Variants in STK32B observed in about 807,000 individuals in gnomAD.
STK32B encodes serine/threonine-protein kinase 32B.
STK32B carries 43 observed loss-of-function variants against 52.6 expected under a neutral mutation model. That is an observed-to-expected ratio of 0.82 (90% CI 0.64 to 1.05). The LOEUF is 1.05. Ranked by LOEUF, STK32B falls within the 50% of genes least tolerant of loss-of-function variation. The pLI is 0.00. For missense variants in STK32B, 621 were observed against 534.6 expected (o/e 1.16, Z -1.59); for synonymous variants, 238 against 204.3 (o/e 1.17, Z -1.41).
At chr4:5,176,535 C>G (rs140964249) in intron 3 of STK32B, among the ~76,000 whole-genome samples, 277 of 151,340 alleles carry the variant, frequency 1.8e-3, no homozygotes, top group African/African-American at 6.3e-3. Context: ...CCTCCACCTC[C>G]AAGGTTTAAG....
intron 3 of STK32B, among the ~76,000 whole-genome samples, chr4:5,281,821 A>G (rs1396673959): frequency 6.6e-6 from 1 of 152,200 alleles, no homozygotes; most frequent in Admixed American, 6.5e-5. Flanking sequence ...TTTAGGTATC[A>G]TTGAACAGAT....
At chr4:5,354,488 A>G (rs1734047757) in intron 4 of STK32B, among the ~76,000 whole-genome samples, 1 of 152,094 alleles carries the variant, frequency 6.6e-6, no homozygotes, top group Non-Finnish European at 1.5e-5. Context: ...CTGGTCTCAA[A>G]CTCCTGACTT....
chr4:5,121,825 A>G lies in STK32B; in HGVS notation c.53-18080A>G, dbSNP rs1188366506. Among the ~76,000 whole-genome samples the G allele has an allele frequency of 2.6e-5, 4 of 152,312 alleles. No individual in the cohort carries two copies. The East Asian group carries it at 7.7e-4, about 29-fold the overall frequency. ...TAAGGAGACTGCTGTCCCCAGGGACAGGCCAGGGACAATCATCCTGTTCAG... is the reference window on the plus strand; with the variant it reads ...TAAGGAGACTGCTGTCCCCAGGGACGGGCCAGGGACAATCATCCTGTTCAG... On this transcript the variant is annotated intron_variant, in intron 1 of 11. Coordinates refer to ENST00000282908, the MANE Select transcript of STK32B (RefSeq NM_018401.3).
At chr4:5,140,029 T>C in intron 2 of STK32B, 69 bp downstream of exon 2, 1 of 1,581,476 alleles carries the variant, frequency 6.3e-7, no homozygotes, top group East Asian at 2.2e-5. Context: ...GTGTGTTGGT[T>C]GCTGGGCACT....
intron 11 of STK32B, among the ~76,000 whole-genome samples, chr4:5,489,706 C>T (rs570187632): frequency 9.9e-5 from 15 of 151,762 alleles, no homozygotes; most frequent in East Asian, 7.8e-4. Flanking sequence ...CTGCAACCTC[C>T]GCCTCCCAGG....
chr4:5,239,152 T>A (rs1439137589), intron 3 of STK32B, among the ~76,000 whole-genome samples: 1 of 152,058 alleles, frequency 6.6e-6, no homozygotes, highest in East Asian at 1.9e-4. Context: ...GAGCACAGTG[T>A]TCAAGAGGAG....
At chr4:5,158,004 G>C (rs144420832) in intron 2 of STK32B, among the ~76,000 whole-genome samples, 338 of 152,282 alleles carry the variant, frequency 2.2e-3, no homozygotes, top group African/African-American at 7.5e-3. Context: ...ATTAGGTTGT[G>C]TTTGGCTTGA....
intron 3 of STK32B, among the ~76,000 whole-genome samples, chr4:5,263,095 A>G (rs1251355844): frequency 2.0e-5 from 3 of 151,944 alleles, no homozygotes; most frequent in Admixed American, 2.0e-4. Flanking sequence ...TTTCCACTAG[A>G]CTATGAGCTC....
At chr4:5,027,073 G>C in the STK32B span, among the ~76,000 whole-genome samples, 1 of 152,200 alleles carries the variant, frequency 6.6e-6, no homozygotes, top group Admixed American at 6.5e-5. Flanking sequence ...GGGGTAGACT[G>C]AATACCTAGC....
In STK32B at chr4:5,116,539, T is replaced by A. The variant is rs1180106091; in HGVS notation, c.53-23366T>A. Among the ~76,000 whole-genome samples the A allele has an allele frequency of 2.0e-5, 3 of 152,206 alleles. No homozygotes were observed. The East Asian group carries it at 5.8e-4, about 29-fold the overall frequency. Reference sequence around the variant, plus strand: ...ATATCTACTCTTATTTTGATTACTCTATATTTGTAGTATATTTTGAAATCA... The same window carrying A: ...ATATCTACTCTTATTTTGATTACTCAATATTTGTAGTATATTTTGAAATCA... On this transcript the variant is annotated intron_variant, in intron 1 of 11. Coordinates refer to ENST00000282908, the MANE Select transcript of STK32B (RefSeq NM_018401.3).
chr4:5,364,143 A>T (rs1734720026), intron 4 of STK32B, among the ~76,000 whole-genome samples: 1 of 152,162 alleles, frequency 6.6e-6, no homozygotes, highest in Non-Finnish European at 1.5e-5. Context: ...CTGTCATTCA[A>T]ATCCTTCAAG....
At chr4:5,125,079 C>T (rs113126405) in intron 1 of STK32B, among the ~76,000 whole-genome samples, 29 of 152,270 alleles carry the variant, frequency 1.9e-4, no homozygotes, top group African/African-American at 6.7e-4. Flanking sequence ...ACTCCCAGCT[C>T]ACAACCAGCA....
chr4:5,389,171 A>C (rs111684214), intron 4 of STK32B, among the ~76,000 whole-genome samples: 3 of 152,198 alleles, frequency 2.0e-5, no homozygotes, highest in Non-Finnish European at 2.9e-5. Context: ...CATGCCTTCA[A>C]ATTAAGTCAC....
chr4:5,488,080 C>G (rs1392506837), intron 11 of STK32B, among the ~76,000 whole-genome samples: 1 of 152,104 alleles, frequency 6.6e-6, no homozygotes, highest in Non-Finnish European at 1.5e-5. Flanking sequence ...AACCTGATAA[C>G]CCTATTCTTA....
intron 1 of STK32B, among the ~76,000 whole-genome samples, chr4:5,060,065 C>G (rs541382495): frequency 6.6e-6 from 1 of 152,300 alleles, no homozygotes; most frequent in South Asian, 2.1e-4. Flanking sequence ...CTCCCGGGTT[C>G]AAGTGATTCT....
Position 5,268,673 on chromosome 4 carries a change from A to C in STK32B, c.261-62547A>C, listed in dbSNP as rs140089300. 4.9e-3 allele frequency among the ~76,000 whole-genome samples: 740 copies of C among 151,984 alleles called. 4 individuals carry two copies. The highest frequency in any genetic ancestry group is 0.016 in the African/African-American group (676 of 41,424). The stretch of plus-strand genomic sequence containing the variant: ...ACTAGACTGTAATCTCCAAGGATGC[A>C]GGGACCTTCTGTCCTGTTCACGATA... On this transcript the variant is annotated intron_variant, in intron 3 of 11. Coordinates refer to ENST00000282908, the MANE Select transcript of STK32B (RefSeq NM_018401.3).
chr4:5,306,470 C>CT (rs1577320264), intron 3 of STK32B, among the ~76,000 whole-genome samples: 2 of 151,884 alleles, frequency 1.3e-5, no homozygotes, highest in Admixed American at 6.6e-5. Context: ...CCCTCTTTGT[C>CT]TTTTTTAACT....
At chr4:5,143,136 T>TGTCTGTCTGTCTGTCC (rs1268917392) in intron 2 of STK32B, among the ~76,000 whole-genome samples, 1 of 139,076 alleles carries the variant, frequency 7.2e-6, no homozygotes, top group South Asian at 2.4e-4. Context: ...TCTGTCTATC[T>TGTCTGTCTGTCTGTCC]GTCTGTCTAT....
the STK32B span, among the ~76,000 whole-genome samples, chr4:5,040,941 A>G: frequency 6.6e-6 from 1 of 152,216 alleles, no homozygotes; most frequent in Non-Finnish European, 1.5e-5. Flanking sequence ...ATACACAGAA[A>G]AGGTGCAGAA....
Sources: allele counts gnomAD v4.1 joint callset (sites outside exome capture counted in the v4.1 genomes callset), GRCh38; gene constraint gnomAD v4.1.1; transcripts MANE v1.5; gene names NCBI Gene and HGNC (gene_info 2026-07-23, HGNC 2026-07-21).